The following SULT6B1 variants were observed in gnomAD, a reference collection of about 807,000 sequenced individuals.
SULT6B1 encodes sulfotransferase 6B1.
Under a neutral mutation model 37.2 loss-of-function variants are expected in SULT6B1, and 44 were observed. The ratio of observed to expected loss-of-function variants is 1.18; its 90% CI spans 0.93 to 1.52. The LOEUF (loss-of-function observed/expected upper bound fraction) is 1.52. Ranked by LOEUF, SULT6B1 falls within the 40% of genes most tolerant of loss-of-function variation. SULT6B1 has a pLI of 0.00. For missense variants in SULT6B1, 450 were observed against 361.0 expected, an observed-to-expected ratio of 1.25 and a Z score of -2.00; for synonymous variants, 140 against 126.0, an observed-to-expected ratio of 1.11 and a Z score of -0.74.
At chr2:37,183,865 AACTCCT>A (rs1676612648) in intron 2 of SULT6B1, among the ~76,000 whole-genome samples, 2 of 152,154 alleles carry the variant, frequency 1.3e-5, no homozygotes, top group South Asian at 4.2e-4. Context: ...GCTGGTCTGA[AACTCCT>A]GACCTCAGGT....
chr2:37,195,114 T>C (rs1473611987), intron 1 of SULT6B1, among the ~76,000 whole-genome samples: 1 of 152,040 alleles, frequency 6.6e-6, no homozygotes, highest in Non-Finnish European at 1.5e-5. Context: ...CTCACCCAGC[T>C]AATTTTCATA....
chr2:37,189,540 T>C (rs7340248), upstream of SULT6B1, among the ~76,000 whole-genome samples: 19 of 152,298 alleles, frequency 1.2e-4, no homozygotes, highest in African/African-American at 4.6e-4. Flanking sequence ...CACTTTCCCA[T>C]GATTCTTCCT....
rs1285833652 is a variant in SULT6B1 at position 37,188,667 on chromosome 2, C to G, written c.-27G>C. On this transcript the variant is annotated 5_prime_UTR_variant, in exon 1 of 7. Transcript: ENST00000535679. ...GTGGCTCCCTGTAAAAGAACCTGCT[C>G]TGTGGCTGTTCAGGGGGAGTGATTG... is the stretch of plus-strand genomic sequence containing the variant. 4.8e-6 allele frequency: 4 copies of G among 835,084 alleles called. No individual in the cohort carries two copies. The highest frequency in any genetic ancestry group is 1.5e-5 in the South Asian group (1 of 68,922). 51.7% of individuals were successfully genotyped at this position (835,084 alleles called of 1,614,324 possible).
rs754626825 is a variant in SULT6B1 at position 37,167,917 on chromosome 2, C to T, written c.*18G>A. 70 of 1,550,948 alleles carry T rather than the reference C, an allele frequency of 4.5e-5. No homozygotes were observed. Among genetic ancestry groups the T allele is most frequent in the Non-Finnish European group, 5.7e-5 (66 of 1,159,940 alleles). On this transcript the variant is annotated 3_prime_UTR_variant, in exon 7 of 7. Coordinates refer to ENST00000535679, the MANE Select transcript of SULT6B1 (RefSeq NM_001367551.1). The stretch of plus-strand genomic sequence containing the variant: ...ATTATTAAGGAAAATAAATCTAGGC[C>T]TGCTGAATTGACTGGAATCAACCCT...
At chr2:37,183,634 T>A in intron 2 of SULT6B1, 120 bp from the exon 3 acceptor site, 3 of 677,694 alleles carry the variant, frequency 4.4e-6, no homozygotes, top group Non-Finnish European at 5.0e-6. Flanking sequence ...CACTATATCT[T>A]CTCCTCCTCC....
rs189163131 is a variant in SULT6B1, at chr2:37,171,704, C to A, written c.625-114G>T. ...AGCCTAACTCCCTAGTTCATCTCAT[C>A]CCCCACTTTAAACTTAGAGTACTTT... On this transcript the variant is annotated intron_variant, in intron 5 of 6. Transcript: ENST00000535679. The A allele has an allele frequency of 5.2e-5, 46 of 891,172 alleles. No homozygotes were observed. In the African/African-American group the frequency reaches 6.9e-4, roughly 13 times the overall value. The allele number at this position is 891,172 out of a possible 1,614,324, so 55.2% of individuals were successfully genotyped here. A position where few individuals can be genotyped will look rare whatever the true frequency, so the allele number is the denominator to read the frequency against.
chr2:37,176,261 T>A (rs1389783130), intron 4 of SULT6B1, among the ~76,000 whole-genome samples: 1 of 4,230 alleles, frequency 2.4e-4, no homozygotes, highest in African/African-American at 3.3e-4. Flanking sequence ...ACGCAATAGC[T>A]TTTTTTTTTT....
chr2:37,194,819 A>T (rs1470264698), intron 1 of SULT6B1: 1 of 152,016 alleles, frequency 6.6e-6, no homozygotes, highest in Non-Finnish European at 1.5e-5. Context: ...AATCTGAACC[A>T]TTCCAATGAC....
chr2:37,187,358 A>T lies in SULT6B1; in HGVS notation c.309T>A (p.Tyr103Ter). The stretch of plus-strand genomic sequence containing the variant: ...GTTAAAGGCTGGTTGTACTAACCTG[A>T]TATTTTTCTGAATCCCCACATTCAA... ...PVLECGDSEK[Y>*]QRMKGFPSPR... The change falls in exon 2 of 7, where the codon TAT becomes TAA. Residue 103 changes from tyrosine (Y) to a stop codon, truncating the protein, a stop_gained. Coordinates refer to ENST00000535679, the MANE Select transcript of SULT6B1 (RefSeq NM_001367551.1). LOFTEE classifies it high-confidence loss of function. 2 of 1,581,076 alleles carry T rather than the reference A, an allele frequency of 1.3e-6. No homozygotes were observed. Among genetic ancestry groups the T allele is most frequent in the East Asian group, 4.5e-5 (2 of 44,592 alleles).
intron 1 of SULT6B1, among the ~76,000 whole-genome samples, chr2:37,195,143 T>G (rs1676884054): frequency 6.6e-6 from 1 of 151,968 alleles, no homozygotes; most frequent in Admixed American, 6.6e-5. Context: ...AGAGATGGGG[T>G]TTCTCCTTGT....
intron 6 of SULT6B1, among the ~76,000 whole-genome samples, chr2:37,171,198 C>G (rs758492354): frequency 2.0e-5 from 3 of 152,228 alleles, no homozygotes; most frequent in South Asian, 4.1e-4. Flanking sequence ...TGAGATTGAG[C>G]CACTGCACTC....
At chr2:37,190,046 T>C (rs1443402601), upstream of SULT6B1, 2 of 152,240 alleles carry the variant, frequency 1.3e-5, no homozygotes, top group Admixed American at 6.5e-5. Context: ...GGCCTCGTTC[T>C]GACCTGTATG....
intron 5 of SULT6B1, among the ~76,000 whole-genome samples, chr2:37,172,140 T>C (rs1456970642): frequency 2.0e-5 from 3 of 152,072 alleles, no homozygotes; most frequent in African/African-American, 7.2e-5. Context: ...AGCCTGGACT[T>C]CCTGGGCTCC....
At chr2:37,171,800 T>G (rs1461265461) in intron 5 of SULT6B1, among the ~76,000 whole-genome samples, 1 of 152,174 alleles carries the variant, frequency 6.6e-6, no homozygotes. Flanking sequence ...TAGTTTCAAT[T>G]TATGACTCTT....
chr2:37,191,343 G>C (rs983210989), upstream of SULT6B1: 70 of 151,554 alleles, frequency 4.6e-4, no homozygotes, highest in African/African-American at 1.6e-3. Context: ...CTGGGTTCTA[G>C]TGATGCAGGA....
Position 37,188,648 on chromosome 2 carries a change from C to A in SULT6B1, c.-8G>T. 2.8e-6 allele frequency: 3 copies of A among 1,053,732 alleles called. No individual in the cohort carries two copies. In the South Asian group the frequency reaches 4.0e-5, roughly 14 times the overall value. The allele number at this position is 1,053,732 out of a possible 1,614,324, so 65.3% of individuals were successfully genotyped here. A position where few individuals can be genotyped will look rare whatever the true frequency, so the allele number is the denominator to read the frequency against. The stretch of plus-strand genomic sequence containing the variant: ...TTTGGATTTATCAGCCATGGTGGCT[C>A]CCTGTAAAAGAACCTGCTCTGTGGC... On this transcript the variant is annotated 5_prime_UTR_variant, in exon 1 of 7. Coordinates refer to ENST00000535679, the MANE Select transcript of SULT6B1 (RefSeq NM_001367551.1).
At chr2:37,189,080 A>T (rs927191455), upstream of SULT6B1, among the ~76,000 whole-genome samples, 7 of 152,130 alleles carry the variant, frequency 4.6e-5, no homozygotes, top group African/African-American at 1.7e-4. Flanking sequence ...ATTGTGAGGT[A>T]ATTTGGTGGG....
rs57999431 is a variant in SULT6B1, at chr2:37,185,352, C to T, written c.313-1838G>A. Among the ~76,000 whole-genome samples, 1,281 of 152,242 alleles carry T rather than the reference C, an allele frequency of 8.4e-3. 19 individuals carry two copies. The highest frequency in any genetic ancestry group is 0.029 in the African/African-American group (1,208 of 41,534). On this transcript the variant is annotated intron_variant, in intron 2 of 6. Transcript: ENST00000535679. ...TACCTTATTTAAGGAAAAATATGTA[C>T]TCCAGAAAAGTTCTCTGTAAAGCAA... is the stretch of plus-strand genomic sequence containing the variant.
rs531803036 is a variant in SULT6B1, at chr2:37,174,538, C to T, written c.624+594G>A. Among the ~76,000 whole-genome samples the T allele has an allele frequency of 3.1e-4, 47 of 152,224 alleles. 2 individuals are homozygous for T. In the South Asian group the frequency reaches 7.3e-3, roughly 23 times the overall value. On this transcript the variant is annotated intron_variant, in intron 5 of 6. Transcript: ENST00000535679. ...CACTGGAATTTGTCCAATCCTTCCC[C>T]GTGCCTGGCCCCCCAGCATTTTTAA...
Sources: gnomAD v4.1 joint callset for allele counts (sites outside exome capture counted in the v4.1 genomes callset) on GRCh38, gnomAD v4.1.1 for gene constraint, MANE v1.5 for transcripts, NCBI Gene and HGNC (gene_info 2026-07-23, HGNC 2026-07-21) for gene names.